ACVR2A: variants seen among roughly 807,000 people sequenced by gnomAD.
The protein encoded by ACVR2A is activin A receptor type 2A.
ACVR2A carries 7 observed loss-of-function variants against 61.4 expected under a neutral mutation model. The observed-to-expected ratio is 0.11, with a 90% CI of 0.06 to 0.21. The LOEUF (loss-of-function observed/expected upper bound fraction) is 0.21. Ranked by LOEUF, ACVR2A falls within the 10% of genes least tolerant of loss-of-function variation. The pLI is 1.00. For synonymous variants in ACVR2A, 193 were observed against 208.3 expected (o/e 0.93, Z 0.63); for missense variants, 322 against 621.7 (o/e 0.52, Z 5.13).
At chr2:147,887,933 T>A (rs1686483042) in intron 1 of ACVR2A, among the ~76,000 whole-genome samples, 1 of 152,218 alleles carries the variant, frequency 6.6e-6, no homozygotes, top group Non-Finnish European at 1.5e-5. Flanking sequence ...TTGGAAATTG[T>A]CACCATATGA....
chr2:147,871,695 A>C (rs1686023428), intron 1 of ACVR2A, among the ~76,000 whole-genome samples: 1 of 151,580 alleles, frequency 6.6e-6, no homozygotes, highest in Admixed American at 6.6e-5. Flanking sequence ...ATATTGAAAA[A>C]CTCATTGTGT....
chr2:147,863,375 C>T (rs572314424), intron 1 of ACVR2A, among the ~76,000 whole-genome samples: 3 of 152,254 alleles, frequency 2.0e-5, no homozygotes, highest in Admixed American at 1.3e-4. Context: ...CACTGCTTGA[C>T]CCTTGAACAA....
intron 1 of ACVR2A, among the ~76,000 whole-genome samples, chr2:147,864,909 G>T (rs1372399909): frequency 6.6e-6 from 1 of 152,078 alleles, no homozygotes; most frequent in Non-Finnish European, 1.5e-5. Context: ...ACTTTGGAAT[G>T]ATAATCCATA....
At chr2:147,907,311 G>A (rs1171245133) in intron 4 of ACVR2A, among the ~76,000 whole-genome samples, 1 of 152,150 alleles carries the variant, frequency 6.6e-6, no homozygotes, top group African/African-American at 2.4e-5. Context: ...ACGTGTGCAT[G>A]TGTCTTTATA....
intron 4 of ACVR2A, among the ~76,000 whole-genome samples, chr2:147,903,130 G>A (rs1686909689): frequency 6.6e-6 from 1 of 151,806 alleles, no homozygotes; most frequent in Non-Finnish European, 1.5e-5. Flanking sequence ...AAGAAGTGAT[G>A]TAGGGGTATA....
rs1049268745 is a variant in ACVR2A at position 147,929,266 on chromosome 2, T to C, written c.*1992T>C. On this transcript the variant is annotated 3_prime_UTR_variant, in exon 11 of 11. Transcript: ENST00000241416. ...ATTTCTTGATCTGGTTTTGCTTCCA[T>C]TTAAAAACTAATCAAGAAGGGAAAA... 9.2e-5 allele frequency: 14 copies of C among 152,106 alleles called. No homozygotes were observed. Among genetic ancestry groups the C allele is most frequent in the Admixed American group, 8.5e-4 (13 of 15,242 alleles). The allele number at this position is 152,106 out of a possible 1,614,324, so 9.4% of individuals were successfully genotyped here. A position where few individuals can be genotyped will look rare whatever the true frequency, so the allele number is the denominator to read the frequency against.
chr2:147,891,067 G>A (rs1686570963), intron 1 of ACVR2A, among the ~76,000 whole-genome samples: 1 of 151,918 alleles, frequency 6.6e-6, no homozygotes, highest in African/African-American at 2.4e-5. Context: ...GACTAGGATG[G>A]CAAATACAAG....
In ACVR2A at chr2:147,854,206, A is replaced by G. The variant is rs188045775; in HGVS notation, c.55+8999A>G. 1.9e-3 allele frequency among the ~76,000 whole-genome samples: 295 copies of G among 152,338 alleles called. 1 individual carries two copies. Among genetic ancestry groups the G allele is most frequent in the Middle Eastern group, 0.01 (3 of 294 alleles). ...ATTATAGAGAGCCAGATAGCTGCCA[A>G]TAAATATCTAGAATATTCAGATATC... is the stretch of plus-strand genomic sequence containing the variant. On this transcript the variant is annotated intron_variant, in intron 1 of 10. Transcript: ENST00000241416.
At chr2:147,882,163 T>C (rs1335484507) in intron 1 of ACVR2A, among the ~76,000 whole-genome samples, 1 of 152,210 alleles carries the variant, frequency 6.6e-6, no homozygotes, top group African/African-American at 2.4e-5. Context: ...TTTGGAGCCA[T>C]CTATGTGGGG....
At chr2:147,864,741 C>T (rs918229500) in intron 1 of ACVR2A, among the ~76,000 whole-genome samples, 3 of 152,042 alleles carry the variant, frequency 2.0e-5, no homozygotes, top group African/African-American at 4.8e-5. Flanking sequence ...AGCCATAATC[C>T]GTTTAGTTAT....
intron 1 of ACVR2A, 128 bp from the exon 2 acceptor site, chr2:147,896,173 C>T: frequency 1.3e-6 from 1 of 788,862 alleles, no homozygotes; most frequent in Non-Finnish European, 2.0e-6. Context: ...GAAACCTAAA[C>T]CCAAAGTTAT....
intron 5 of ACVR2A, 33 bp from the exon 6 acceptor site, chr2:147,917,250 T>C (rs1166135168): frequency 6.2e-7 from 1 of 1,603,110 alleles, no homozygotes; most frequent in Non-Finnish European, 8.5e-7. Context: ...CTGTATTCCT[T>C]GTGTTCTTAC....
chr2:147,923,162 T>C (rs776607745), intron 9 of ACVR2A, 51 bp downstream of exon 9: 4 of 1,550,534 alleles, frequency 2.6e-6, no homozygotes, highest in Non-Finnish European at 3.5e-6. Context: ...ACCACACATA[T>C]ATGAAAAGGG....
intron 1 of ACVR2A, 117 bp downstream of exon 1, chr2:147,845,324 T>A: frequency 1.8e-6 from 1 of 543,830 alleles, no homozygotes; most frequent in Non-Finnish European, 2.7e-6. Context: ...GGTTGCCCAC[T>A]CCCTGCGCCC....
chr2:147,876,935 C>T (rs1686171767), intron 1 of ACVR2A, among the ~76,000 whole-genome samples: 1 of 152,108 alleles, frequency 6.6e-6, no homozygotes, highest in Non-Finnish European at 1.5e-5. Flanking sequence ...TGTCCCTTCA[C>T]CATGTCCTCA....
intron 2 of ACVR2A, among the ~76,000 whole-genome samples, chr2:147,899,073 T>G (rs1203562485): frequency 1.3e-5 from 2 of 152,166 alleles, no homozygotes; most frequent in African/African-American, 4.8e-5. Context: ...ATTCACAGAA[T>G]GGAAATGCCA....
At chr2:147,907,013 C>T (rs1339781833) in intron 4 of ACVR2A, among the ~76,000 whole-genome samples, 2 of 151,946 alleles carry the variant, frequency 1.3e-5, no homozygotes, top group Admixed American at 6.6e-5. Flanking sequence ...TTGACAGGCC[C>T]CAGTGTACGT....
intron 1 of ACVR2A, among the ~76,000 whole-genome samples, chr2:147,867,390 A>G (rs1685889323): frequency 6.6e-6 from 1 of 152,206 alleles, no homozygotes; most frequent in Non-Finnish European, 1.5e-5. Context: ...ATTTGGAGCC[A>G]GAAACTTGGC....
intron 4 of ACVR2A, among the ~76,000 whole-genome samples, chr2:147,909,953 T>C (rs1204133233): frequency 6.6e-6 from 1 of 152,214 alleles, no homozygotes; most frequent in Non-Finnish European, 1.5e-5. Flanking sequence ...TAAAAAAATT[T>C]TGCTTTACCG....
Sources: allele counts gnomAD v4.1 joint callset (sites outside exome capture counted in the v4.1 genomes callset), GRCh38; gene constraint gnomAD v4.1.1; transcripts MANE v1.5; gene names NCBI Gene and HGNC (gene_info 2026-07-23, HGNC 2026-07-21).